The following RGS5 variants were observed in gnomAD, a reference collection of about 807,000 sequenced individuals.
RGS5 encodes the protein regulator of G protein signaling 5, also known as regulator of G-protein signalling 5.
RGS5 carries 20 observed loss-of-function variants against 18.9 expected under a neutral mutation model. The observed-to-expected ratio is 1.06, with a 90% CI of 0.74 to 1.54. RGS5 has a LOEUF of 1.54. Ranked by LOEUF, RGS5 falls within the 40% of genes most tolerant of loss-of-function variation. The pLI, the probability that RGS5 is intolerant of heterozygous loss-of-function variation, is 0.00. For missense variants in RGS5, 201 were observed against 211.8 expected, an observed-to-expected ratio of 0.95 and a Z score of 0.32; for synonymous variants, 57 against 76.2, an observed-to-expected ratio of 0.75 and a Z score of 1.31.
chr1:163,249,754 G>A (rs1396235307), intron 2 of RGS5, among the ~76,000 whole-genome samples: 4 of 152,142 alleles, frequency 2.6e-5, no homozygotes, highest in South Asian at 2.1e-4. Flanking sequence ...TCACGCCACC[G>A]CACTCCAACC....
At chr1:163,155,972 G>T (rs2102387043) in intron 3 of RGS5, among the ~76,000 whole-genome samples, 1 of 152,088 alleles carries the variant, frequency 6.6e-6, no homozygotes, top group East Asian at 1.9e-4. Context: ...ATGTAAACTA[G>T]CAGCCAGCCC....
intron 1 of RGS5, chr1:163,172,519 GA>G: frequency 6.5e-7 from 1 of 1,542,242 alleles, no homozygotes; most frequent in Non-Finnish European, 8.7e-7. Context: ...ATTGCCAAGA[GA>G]AAATCGTATT....
chr1:163,188,439 A>G (rs1300144474), intron 1 of RGS5, among the ~76,000 whole-genome samples: 1 of 152,176 alleles, frequency 6.6e-6, no homozygotes, highest in African/African-American at 2.4e-5. Context: ...GATAGTCAAC[A>G]GGGAGAGGGC....
At position 163,186,612 on chromosome 1, in the gene RGS5, A is replaced by G. The variant is rs1659098422; in HGVS notation, c.44+16180T>C. On this transcript the variant is annotated intron_variant, in intron 1 of 4. Transcript: ENST00000313961. Reference sequence around the variant, plus strand: ...AAAAAAAAAAAGAAAAAGAAAAGAAAAAAAGCAAAGACAGACAAAATTATG... The same window carrying G: ...AAAAAAAAAAAGAAAAAGAAAAGAAGAAAAGCAAAGACAGACAAAATTATG... Among the ~76,000 whole-genome samples, 3 of 151,878 alleles carry G rather than the reference A, an allele frequency of 2.0e-5. No homozygotes were observed. In the South Asian group the frequency reaches 6.2e-4, roughly 32 times the overall value.
chr1:163,286,114 A>C (rs1434347537), intron 2 of RGS5, among the ~76,000 whole-genome samples: 1 of 152,100 alleles, frequency 6.6e-6, no homozygotes, highest in African/African-American at 2.4e-5. Context: ...TGAATCAAAA[A>C]TATTTGGAAA....
chr1:163,232,569 G>C (rs12730767), intron 2 of RGS5, among the ~76,000 whole-genome samples: 22,132 of 152,090 alleles, frequency 0.15, 1,952 homozygotes, highest in Non-Finnish European at 0.19. Context: ...TCAAGTAACA[G>C]GTAGAAATGA....
At chr1:163,267,892 A>T (rs1648610114) in intron 2 of RGS5, among the ~76,000 whole-genome samples, 1 of 152,140 alleles carries the variant, frequency 6.6e-6, no homozygotes, top group Non-Finnish European at 1.5e-5. Flanking sequence ...GCTTGTAACC[A>T]TATTTGGCAA....
chr1:163,231,551 A>G (rs1041326117), intron 2 of RGS5, among the ~76,000 whole-genome samples: 1 of 152,186 alleles, frequency 6.6e-6, no homozygotes, highest in Non-Finnish European at 1.5e-5. Flanking sequence ...TGTTCCAGGA[A>G]TAAACGTTGG....
intron 2 of RGS5, among the ~76,000 whole-genome samples, chr1:163,256,701 T>A (rs1648280231): frequency 6.6e-6 from 1 of 152,098 alleles, no homozygotes; most frequent in Non-Finnish European, 1.5e-5. Context: ...GAATAATCTA[T>A]AGATACAGAG....
intron 1 of RGS5, among the ~76,000 whole-genome samples, chr1:163,316,559 G>A (rs1271634942): frequency 6.7e-6 from 1 of 148,242 alleles, no homozygotes; most frequent in African/African-American, 2.5e-5. Context: ...ACACCAGCCT[G>A]GGCAACACAG....
intron 1 of RGS5, among the ~76,000 whole-genome samples, chr1:163,191,646 G>A (rs921490444): frequency 2.6e-5 from 4 of 152,196 alleles, no homozygotes; most frequent in Admixed American, 6.5e-5. Context: ...AATTTCCTGA[G>A]TGATAATGGT....
Position 163,187,210 on chromosome 1 carries a change from T to C in RGS5, c.44+15582A>G, listed in dbSNP as rs76167219. 1.6e-3 allele frequency among the ~76,000 whole-genome samples: 243 copies of C among 152,298 alleles called. 2 individuals are homozygous for C. The East Asian group carries it at 0.038, about 24-fold the overall frequency. On this transcript the variant is annotated intron_variant, in intron 1 of 4. Transcript: ENST00000313961. ...TTAGTGGGTCCAGAAGATAACAGATTAGAGGGAAATTTTAAAAAATAAAAT... is the reference window on the plus strand; with the variant it reads ...TTAGTGGGTCCAGAAGATAACAGATCAGAGGGAAATTTTAAAAAATAAAAT...
At chr1:163,218,551 T>TTC (rs397863544), upstream of RGS5, among the ~76,000 whole-genome samples, 1 of 151,872 alleles carries the variant, frequency 6.6e-6, no homozygotes, top group Non-Finnish European at 1.5e-5. Context: ...TTTATTTTTT[T>TTC]CTGTGCATTA....
intron 2 of RGS5, among the ~76,000 whole-genome samples, chr1:163,288,818 G>C (rs1214914036): frequency 6.6e-6 from 1 of 152,066 alleles, no homozygotes; most frequent in African/African-American, 2.4e-5. Context: ...TGTTCAAATG[G>C]AATTTATTGT....
At chr1:163,186,578 C>CAAAAAAAAAAAAAAAAAAA (rs34092786) in intron 1 of RGS5, among the ~76,000 whole-genome samples, 1 of 95,964 alleles carries the variant, frequency 1.0e-5, no homozygotes, top group Non-Finnish European at 2.0e-5. Context: ...GACTCTGTCT[C>CAAAAAAAAAAAAAAAAAAA]AAAAAAAAAA....
chr1:163,290,836 T>C (rs1031154101), intron 2 of RGS5, among the ~76,000 whole-genome samples: 2 of 152,190 alleles, frequency 1.3e-5, no homozygotes, highest in African/African-American at 4.8e-5. Context: ...AGTATTTTAT[T>C]TATAACACAA....
intron 1 of RGS5, among the ~76,000 whole-genome samples, chr1:163,185,904 A>G (rs1479168469): frequency 6.6e-6 from 1 of 152,164 alleles, no homozygotes; most frequent in Non-Finnish European, 1.5e-5. Flanking sequence ...AATAAAGCAA[A>G]CATTGATGGG....
At chr1:163,278,526 CAG>C (rs755607182) in intron 2 of RGS5, among the ~76,000 whole-genome samples, 14 of 151,966 alleles carry the variant, frequency 9.2e-5, no homozygotes, top group Non-Finnish European at 1.8e-4. Flanking sequence ...CATGAAAACA[CAG>C]AAGTATTAAC....
At chr1:163,239,276 G>C (rs1236537215) in intron 2 of RGS5, 1 of 151,150 alleles carries the variant, frequency 6.6e-6, no homozygotes, top group Non-Finnish European at 1.5e-5. Context: ...AGGAGTTCGA[G>C]ACCAGCCTGG....
Sources: gnomAD v4.1 joint callset for allele counts (sites outside exome capture counted in the v4.1 genomes callset) on GRCh38, gnomAD v4.1.1 for gene constraint, MANE v1.5 for transcripts, NCBI Gene and HGNC (gene_info 2026-07-23, HGNC 2026-07-21) for gene names.